The following EDA2R variants were observed in gnomAD, a reference collection of about 807,000 sequenced individuals.
The protein encoded by EDA2R is ectodysplasin A2 receptor.
Under a neutral mutation model 20.1 loss-of-function variants are expected in EDA2R, and 26 were observed. That is an observed-to-expected ratio of 1.30 (90% CI 0.95 to 1.80). The LOEUF (loss-of-function observed/expected upper bound fraction) is 1.80, where lower values mean the gene tolerates loss of function less well. Among genes scored for constraint, EDA2R ranks in the 40% most tolerant of loss-of-function variants. EDA2R has a pLI of 0.00. For synonymous variants in EDA2R, 114 were observed against 88.7 expected (o/e 1.29, Z -1.60); for missense variants, 277 against 228.7 (o/e 1.21, Z -1.36).
intron 3 of EDA2R, 105 bp from the exon 4 acceptor site, chrX:66,604,611 T>C (rs1180655543): frequency 2.8e-6 from 2 of 713,406 alleles, no homozygotes; most frequent in Non-Finnish European, 4.2e-6. Context: ...AACCTGAAAG[T>C]AAGTGCCCAC....
intron 1 of EDA2R, among the ~76,000 whole-genome samples, chrX:66,632,535 T>C (rs564210574): frequency 5.6e-5 from 6 of 106,312 alleles, no homozygotes; most frequent in African/African-American, 2.1e-4. Context: ...GAACCAAACA[T>C]TGAGGGTCAC....
At chrX:66,619,790 G>C (rs1393928105) in intron 1 of EDA2R, among the ~76,000 whole-genome samples, 1 of 111,725 alleles carries the variant, frequency 9.0e-6, no homozygotes, top group Non-Finnish European at 1.9e-5. Context: ...ACACAGATGA[G>C]GTAATGTGGA....
chrX:66,626,712 G>C (rs957978855), intron 1 of EDA2R, among the ~76,000 whole-genome samples: 33 of 104,608 alleles, frequency 3.2e-4, no homozygotes, highest in Non-Finnish European at 5.5e-4. Context: ...TAGGCACATT[G>C]TCTTCAGGTT....
At chrX:66,619,594 G>T (rs917306706) in intron 1 of EDA2R, among the ~76,000 whole-genome samples, 1 of 111,309 alleles carries the variant, frequency 9.0e-6, no homozygotes, top group Non-Finnish European at 1.9e-5. Context: ...CTGAGGGTTG[G>T]GGAGAGGAAG....
intron 6 of EDA2R, 56 bp from the exon 7 acceptor site, chrX:66,598,149 T>G (rs778476152): frequency 4.7e-5 from 24 of 507,419 alleles, no homozygotes; most frequent in Non-Finnish European, 6.5e-5. Flanking sequence ...CTAGCACCCT[T>G]CTTTCTCTAC....
chrX:66,607,106 C>A (rs1460991798), intron 2 of EDA2R, among the ~76,000 whole-genome samples: 1 of 111,891 alleles, frequency 8.9e-6, no homozygotes, highest in Non-Finnish European at 1.9e-5. Flanking sequence ...TGTGTGCATA[C>A]AAGACACATG....
intron 2 of EDA2R, among the ~76,000 whole-genome samples, chrX:66,613,888 C>T (rs1428817714): frequency 9.0e-6 from 1 of 111,409 alleles, no homozygotes; most frequent in African/African-American, 3.3e-5. Context: ...AAAAGGCTAT[C>T]AGATGCTTCT....
At chrX:66,606,180 C>T (rs1237043778) in intron 2 of EDA2R, among the ~76,000 whole-genome samples, 4 of 112,066 alleles carry the variant, frequency 3.6e-5, no homozygotes, top group African/African-American at 1.3e-4. Context: ...AGAAACAATT[C>T]TAGTTGTGAA....
At chrX:66,602,949 G>A (rs1427298664) in intron 4 of EDA2R, 152 bp from the exon 5 acceptor site, 12 of 476,116 alleles carry the variant, frequency 2.5e-5, no homozygotes, top group Non-Finnish European at 4.0e-5. Context: ...TCTAGAGCAG[G>A]CAAAATTATA....
intron 2 of EDA2R, among the ~76,000 whole-genome samples, chrX:66,614,832 T>C (rs150948525): frequency 0.032 from 3,582 of 111,936 alleles, 67 homozygotes; most frequent in Middle Eastern, 0.083. Flanking sequence ...AAATTTCTCA[T>C]AGACCTCAAG....
intron 1 of EDA2R, among the ~76,000 whole-genome samples, chrX:66,622,353 G>T (rs762565360): frequency 7.2e-5 from 8 of 111,808 alleles, no homozygotes; most frequent in Non-Finnish European, 1.3e-4. Context: ...GAGGTACCCA[G>T]GCTGCTGGGG....
At chrX:66,610,095 T>G (rs1930451529) in intron 2 of EDA2R, among the ~76,000 whole-genome samples, 1 of 111,164 alleles carries the variant, frequency 9.0e-6, no homozygotes, top group Admixed American at 9.5e-5. Context: ...AGAAGACAAA[T>G]AATGAACTAG....
chrX:66,601,345 C>T (rs1027033350), intron 5 of EDA2R, among the ~76,000 whole-genome samples: 7 of 111,859 alleles, frequency 6.3e-5, no homozygotes, highest in African/African-American at 2.3e-4. Context: ...ACACTGGCCT[C>T]CAAAGTCAGA....
intron 2 of EDA2R, among the ~76,000 whole-genome samples, chrX:66,613,776 A>G (rs1931194891): frequency 8.9e-6 from 1 of 112,154 alleles, no homozygotes; most frequent in Non-Finnish European, 1.9e-5. Flanking sequence ...TACATCAAGA[A>G]AAATGTCCTG....
At chrX:66,636,362 T>C (rs1374008094) in intron 1 of EDA2R, among the ~76,000 whole-genome samples, 1 of 111,008 alleles carries the variant, frequency 9.0e-6, no homozygotes, top group Non-Finnish European at 1.9e-5. Context: ...CCATGCCAGA[T>C]AAGAAATGAT....
chrX:66,604,986 T>G, intron 3 of EDA2R, 62 bp downstream of exon 3: 1 of 1,007,130 alleles, frequency 9.9e-7, no homozygotes, highest in Non-Finnish European at 1.3e-6. Flanking sequence ...GAGGTGAGGA[T>G]GGGAGAAACC....
intron 1 of EDA2R, among the ~76,000 whole-genome samples, chrX:66,623,197 G>A (rs1319907037): frequency 8.9e-6 from 1 of 112,160 alleles, no homozygotes; most frequent in African/African-American, 3.2e-5. Context: ...ACAGTTTTAA[G>A]GGCTCTTTTC....
At chrX:66,598,130 G>A (rs1431998244) in intron 6 of EDA2R, 37 bp from the exon 7 acceptor site, 1 of 679,406 alleles carries the variant, frequency 1.5e-6, no homozygotes, top group Non-Finnish European at 2.0e-6. Context: ...AACATGTGGG[G>A]AAATCTCACT....
At chrX:66,599,894 C>A (rs760263747) in intron 5 of EDA2R, 34 bp from the exon 6 acceptor site, 3 of 1,187,314 alleles carry the variant, frequency 2.5e-6, no homozygotes, top group Non-Finnish European at 2.3e-6. Context: ...CTGGGTTACC[C>A]AAAAGCAGGG....
Sources: allele counts gnomAD v4.1 joint callset (sites outside exome capture counted in the v4.1 genomes callset), GRCh38; gene constraint gnomAD v4.1.1; transcripts MANE v1.5; gene names NCBI Gene and HGNC (gene_info 2026-07-23, HGNC 2026-07-21).